The following CLU variants were observed in gnomAD, a reference collection of about 807,000 sequenced individuals.
The protein encoded by CLU is clusterin.
A neutral mutation model predicts 46.4 loss-of-function variants in CLU; 25 were observed. The observed-to-expected ratio is 0.54, with a 90% CI of 0.39 to 0.75. CLU has a LOEUF of 0.75. CLU is among the 30% of genes least tolerant of loss of function. CLU has a pLI of 0.00. For missense variants in CLU, 504 were observed against 592.1 expected, an observed-to-expected ratio of 0.85 and a Z score of 1.54; for synonymous variants, 235 against 235.1, an observed-to-expected ratio of 1.00 and a Z score of 0.00.
intron 3 of CLU, among the ~76,000 whole-genome samples, chr8:27,607,090 C>A (rs1404048069): frequency 6.6e-6 from 1 of 152,204 alleles, no homozygotes; most frequent in African/African-American, 2.4e-5. Context: ...GTAATCCCAG[C>A]ACTTTGGGAG....
chr8:27,610,631 A>G, intron 1 of CLU, 31 bp from the exon 2 acceptor site: 1 of 1,554,006 alleles, frequency 6.4e-7, no homozygotes, highest in Non-Finnish European at 8.9e-7. Context: ...TCATGGGAAC[A>G]GCTAGACAGC....
Position 27,610,322 on chromosome 8 carries a change from T to G in CLU, c.97+153A>C, listed in dbSNP as rs566046484. Among the ~76,000 whole-genome samples the G allele has an allele frequency of 3.3e-5, 5 of 152,194 alleles. No homozygotes were observed. The South Asian group carries it at 6.2e-4, about 19-fold the overall frequency. ...GGGGCCTCGGAGCTGAGGCTCAGAG[T>G]GGGCCCAGACACAGGCACCCAGACC... On this transcript the variant is annotated intron_variant, in intron 2 of 8. Transcript: ENST00000316403.
At chr8:27,598,307 AT>A (rs1261322891) in intron 8 of CLU, 57 bp from the exon 9 acceptor site, 16 of 1,607,200 alleles carry the variant, frequency 1.0e-5, no homozygotes, top group Non-Finnish European at 1.1e-5. Context: ...GAAAAATAAA[AT>A]TCCCCCGTAA....
chr8:27,598,346 C>A, intron 8 of CLU, 96 bp from the exon 9 acceptor site: 1 of 1,597,726 alleles, frequency 6.3e-7, no homozygotes, highest in Non-Finnish European at 8.6e-7. Flanking sequence ...TGGGCTCTGG[C>A]TCCGGGCGGA....
In CLU at chr8:27,606,391, C is replaced by T. The variant is rs761369634; in HGVS notation, c.380G>A (p.Arg127His). The T allele has an allele frequency of 1.6e-5, 26 of 1,614,252 alleles. No homozygotes were observed. In the East Asian group the frequency reaches 4.0e-4, roughly 25 times the overall value. ...CAGGCCTGAGCCACTTCTGCAGACGCGTGCGTAGAACTTCATGCAGGTCTG... is the reference window on the plus strand; with the variant it reads ...CAGGCCTGAGCCACTTCTGCAGACGTGTGCGTAGAACTTCATGCAGGTCTG... ...LKQTCMKFYA[R>H]VCRSGSGLVG... Residue 127 changes from arginine to histidine, a missense_variant, in exon 4 of 9, where the codon CGC (arginine) becomes CAC (histidine). Arg to His is a conservative substitution (Grantham distance 29). Around this residue, in one of 3 missense-constraint regions of CLU, gnomAD observed 428 missense variants for 484.0 expected, o/e 0.88. Transcript: ENST00000316403.
At position 27,599,348 on chromosome 8, in the gene CLU, T is replaced by G. The variant is rs1438154782; in HGVS notation, c.1164+432A>C. ...CAGGCATGAGCCACCATGTCTGGCC[T>G]AGAGAGAAGTTTTTATCACTGGCAG... On this transcript the variant is annotated intron_variant, in intron 7 of 8. Coordinates refer to ENST00000316403, the MANE Select transcript of CLU (RefSeq NM_001831.4). The surrounding 1 kb of genome is among the most constrained non-coding windows in gnomAD (Gnocchi z 4.0). 5.0e-6 allele frequency: 1 copy of G among 198,688 alleles called. No individual in the cohort carries two copies. Among genetic ancestry groups the G allele is most frequent in the African/African-American group, 2.3e-5 (1 of 42,624 alleles). 12.3% of individuals were successfully genotyped at this position (198,688 alleles called of 1,614,324 possible).
At chr8:27,608,527 T>C (rs1240992111) in intron 3 of CLU, 5 of 333,016 alleles carry the variant, frequency 1.5e-5, no homozygotes, top group Non-Finnish European at 2.3e-5. Flanking sequence ...TCCAGAACTC[T>C]AGCAAGACGT....
intron 6 of CLU, 35 bp from the exon 7 acceptor site, chr8:27,600,044 G>T: frequency 6.6e-7 from 1 of 1,511,836 alleles, no homozygotes; most frequent in Non-Finnish European, 9.2e-7. Flanking sequence ...AGTGAGAAGT[G>T]TGAAGGGAAG....
intron 1 of CLU, chr8:27,614,445 T>C: frequency 3.1e-6 from 1 of 322,184 alleles, no homozygotes; most frequent in South Asian, 2.5e-5. Flanking sequence ...GCTCGTGCTC[T>C]CAGGCGGCGG....
intron 1 of CLU, among the ~76,000 whole-genome samples, chr8:27,612,274 G>A (rs1322663350): frequency 6.6e-6 from 1 of 152,108 alleles, no homozygotes; most frequent in East Asian, 1.9e-4. Context: ...CAGCCCTCCC[G>A]ACCCCTAGTC....
intron 3 of CLU, among the ~76,000 whole-genome samples, chr8:27,607,682 A>C (rs1365470548): frequency 2.6e-5 from 4 of 152,030 alleles, no homozygotes; most frequent in Non-Finnish European, 4.4e-5. Flanking sequence ...CAAAAGGATT[A>C]TGGAAAAACT....
chr8:27,598,056 T>A lies in CLU; in HGVS notation c.*185A>T. ...TGCAGGAGCAATTCTGTTCTTCCCATGAGCAGCAGAGTCGAGTGTTAGAGT... is the reference window on the plus strand; with the variant it reads ...TGCAGGAGCAATTCTGTTCTTCCCAAGAGCAGCAGAGTCGAGTGTTAGAGT... On this transcript the variant is annotated 3_prime_UTR_variant, in exon 9 of 9. Transcript: ENST00000316403. 1 of 711,004 alleles carries A rather than the reference T, an allele frequency of 1.4e-6. No homozygotes were observed. The highest frequency in any genetic ancestry group is 2.6e-6 in the Non-Finnish European group (1 of 385,564). The allele number at this position is 711,004 out of a possible 1,614,324, so 44.0% of individuals were successfully genotyped here. A position where few individuals can be genotyped will look rare whatever the true frequency, so the allele number is the denominator to read the frequency against.
chr8:27,598,360 G>T (rs557571694), intron 8 of CLU, 100 bp downstream of exon 8: 13 of 1,592,884 alleles, frequency 8.2e-6, no homozygotes, highest in Non-Finnish European at 4.3e-6. Flanking sequence ...GGGCGGAGTC[G>T]TTCCCACCAG....
chr8:27,614,562 G>A (rs1800980460), intron 1 of CLU, 93 bp downstream of exon 1: 1 of 414,384 alleles, frequency 2.4e-6, no homozygotes, highest in Admixed American at 3.0e-5. Context: ...ACTGCGAGCT[G>A]TGTCATCCCT....
At position 27,606,336 on chromosome 8, in the gene CLU, CAT is replaced by C. The variant is rs1800821183; in HGVS notation, c.417+16_417+17del. The C allele has an allele frequency of 2.5e-6, 4 of 1,613,550 alleles. No homozygotes were observed. The highest frequency in any genetic ancestry group is 3.4e-6 in the Non-Finnish European group (4 of 1,179,918). ...TTCCCCACTCAGAGCCTTGGCCACTCATGTGTCCCCTTTTCACCTGGCGGCCA... is the reference window on the plus strand; with the variant it reads ...TTCCCCACTCAGAGCCTTGGCCACTCGTGTCCCCTTTTCACCTGGCGGCCA... On this transcript the variant is annotated intron_variant, in intron 4 of 8. Coordinates refer to ENST00000316403, the MANE Select transcript of CLU (RefSeq NM_001831.4).
chr8:27,604,229 C>T (rs1162431737), intron 6 of CLU, 62 bp downstream of exon 6: 14 of 1,316,222 alleles, frequency 1.1e-5, no homozygotes, highest in Admixed American at 1.7e-5. Context: ...CCAGTGAGGC[C>T]CCAGTGACCC....
chr8:27,610,418 C>T, intron 2 of CLU, 57 bp downstream of exon 2: 5 of 1,392,960 alleles, frequency 3.6e-6, no homozygotes, highest in Non-Finnish European at 5.1e-6. Context: ...ATTAGCTACC[C>T]TGCCCTCTGA....
chr8:27,597,528 A>G lies in CLU; in HGVS notation c.*713T>C. The G allele has an allele frequency of 2.2e-6, 1 of 454,204 alleles. No individual in the cohort carries two copies. The highest frequency in any genetic ancestry group is 4.4e-6 in the Non-Finnish European group (1 of 226,800). The allele number at this position is 454,204 out of a possible 1,614,324, so 28.1% of individuals were successfully genotyped here. A position where few individuals can be genotyped will look rare whatever the true frequency, so the allele number is the denominator to read the frequency against. ...TACAAATAAAACCGCTGCAAAAGCA[A>G]TAGCTCTTACAAATAAAACTGATAA... On this transcript the variant is annotated 3_prime_UTR_variant, in exon 9 of 9. Coordinates refer to ENST00000316403, the MANE Select transcript of CLU (RefSeq NM_001831.4).
chr8:27,610,641 C>G, intron 1 of CLU, 41 bp from the exon 2 acceptor site: 1 of 1,519,500 alleles, frequency 6.6e-7, no homozygotes. Context: ...AGCTAGACAG[C>G]CTGCTGGCGT....
Sources: allele counts gnomAD v4.1 joint callset (sites outside exome capture counted in the v4.1 genomes callset), GRCh38; gene constraint gnomAD v4.1.1; regional missense constraint gnomAD v4.1.1; non-coding constraint Gnocchi (gnomAD v3.1); transcripts MANE v1.5; gene names NCBI Gene and HGNC (gene_info 2026-07-23, HGNC 2026-07-21).